DNAH7: variants seen among roughly 807,000 people sequenced by gnomAD.
The protein encoded by DNAH7 is axonemal beta dynein heavy chain 7.
A neutral mutation model predicts 444.6 loss-of-function variants in DNAH7; 397 were observed. The ratio of observed to expected loss-of-function variants is 0.89; its 90% confidence interval spans 0.82 to 0.97. DNAH7 has a LOEUF of 0.97. DNAH7 is among the 50% of genes least tolerant of loss of function. The pLI, the probability that DNAH7 is intolerant of heterozygous loss-of-function variation, is 0.00. For missense variants in DNAH7, 4,902 were observed against 4,800.8 expected, an observed-to-expected ratio of 1.02 and a Z score of -0.62; for synonymous variants, 1,636 against 1,624.4, an observed-to-expected ratio of 1.01 and a Z score of -0.17.
chr2:195,952,398 A>C (rs1265931818), intron 19 of DNAH7, among the ~76,000 whole-genome samples: 1 of 151,584 alleles, frequency 6.6e-6, no homozygotes, highest in Non-Finnish European at 1.5e-5. Context: ...TCTGACGACT[A>C]TGTGTCTTGG....
Position 195,794,377 on chromosome 2 carries a change from C to G in DNAH7, c.10677G>C (p.Pro3559=), listed in dbSNP as rs1325228196. The G allele has an allele frequency of 9.9e-6, 16 of 1,614,004 alleles. No homozygotes were observed. In the Admixed American group the frequency reaches 2.2e-4, roughly 22 times the overall value. The stretch of plus-strand genomic sequence containing the variant: ...TGCCAAAGAACTCCGGATCAGAGAT[C>G]GGGTCCATGAGGTATGATCGAATGA... ...ANIIRSYLMD[P]ISDPEFFGSC... Residue 3559 remains proline (P), a synonymous_variant, in exon 57 of 65, where the codon CCG becomes CCC. Transcript: ENST00000312428.
intron 1 of DNAH7, among the ~76,000 whole-genome samples, chr2:196,061,785 T>A (rs895268487): frequency 1.3e-5 from 2 of 152,176 alleles, no homozygotes; most frequent in African/African-American, 4.8e-5. Flanking sequence ...CCTTATTATA[T>A]CATGTGTCCA....
At position 195,886,203 on chromosome 2, in the gene DNAH7, C is replaced by A; in HGVS notation, c.5476G>T (p.Asp1826Tyr). The A allele has an allele frequency of 6.2e-7, 1 of 1,613,882 alleles. No individual in the cohort carries two copies. Among genetic ancestry groups the A allele is most frequent in the South Asian group, 1.1e-5 (1 of 91,022 alleles). ...LMNLIDCFMDDFADEVKLKER... is the reference protein window; with the variant it reads ...LMNLIDCFMDYFADEVKLKER... ...TTTAGTTTGACTTCATCAGCAAAAT[C>A]ATCCATAAAACAGTCTATTAGATTC... is the stretch of plus-strand genomic sequence containing the variant. The change falls in exon 34 of 65, where the codon GAT becomes TAT. Residue 1826 changes from aspartate (D) to tyrosine (Y), a missense_variant. Transcript: ENST00000312428.
At chr2:195,779,153 C>CT (rs536055808) in intron 58 of DNAH7, among the ~76,000 whole-genome samples, 4 of 152,116 alleles carry the variant, frequency 2.6e-5, no homozygotes, top group African/African-American at 7.2e-5. Flanking sequence ...AGACTGTACA[C>CT]TTTTTTTTCC....
At position 195,926,414 on chromosome 2, in the gene DNAH7, A is replaced by C; in HGVS notation, c.3612+12T>G. On this transcript the variant is annotated intron_variant, in intron 22 of 64. Transcript: ENST00000312428. The stretch of plus-strand genomic sequence containing the variant: ...AATGCTTAAAAAAACCCGAGGGTTA[A>C]TAAAACCTTACCTTTATCCCCATTG... 1 of 1,504,332 alleles carries C rather than the reference A, an allele frequency of 6.6e-7. No homozygotes were observed. Among genetic ancestry groups the C allele is most frequent in the Non-Finnish European group, 8.8e-7 (1 of 1,130,334 alleles). The allele number at this position is 1,504,332 out of a possible 1,614,324, so 93.2% of individuals were successfully genotyped here.
chr2:195,820,342 G>C (rs1222618796), intron 49 of DNAH7, among the ~76,000 whole-genome samples: 1 of 151,716 alleles, frequency 6.6e-6, no homozygotes, highest in Non-Finnish European at 1.5e-5. Context: ...AATACCTAAT[G>C]CATATGGGGC....
At chr2:195,894,531 G>T (rs1015629986) in intron 30 of DNAH7, 1 of 152,372 alleles carries the variant, frequency 6.6e-6, no homozygotes, top group African/African-American at 2.4e-5. Flanking sequence ...CAATCAAAAT[G>T]TGATGTGTAT....
chr2:195,924,107 G>A (rs545517760), intron 22 of DNAH7, among the ~76,000 whole-genome samples: 2 of 151,952 alleles, frequency 1.3e-5, no homozygotes, highest in Non-Finnish European at 2.9e-5. Context: ...ACTCTCCATG[G>A]CAATATGGAG....
At position 195,864,857 on chromosome 2, in the gene DNAH7, G is replaced by A. The variant is rs1267120372; in HGVS notation, c.6798C>T (p.Arg2266=). The change falls in exon 41 of 65, where the codon CGC becomes CGT. Residue 2266 remains arginine, a synonymous_variant. Coordinates refer to ENST00000312428, the MANE Select transcript of DNAH7 (RefSeq NM_018897.3). ...NDGMVEADDL[R]SLMFCDFHDP... ...CATGGAAATCACAAAACATTAAGCT[G>A]CGTAAGTCATCTGCTTCCACCATGC... The A allele has an allele frequency of 6.2e-7, 1 of 1,614,076 alleles. No individual in the cohort carries two copies. The highest frequency in any genetic ancestry group is 2.2e-5 in the East Asian group (1 of 44,878).
intron 48 of DNAH7, among the ~76,000 whole-genome samples, chr2:195,825,313 C>G (rs557410527): frequency 6.6e-6 from 1 of 151,766 alleles, no homozygotes; most frequent in Admixed American, 6.6e-5. Flanking sequence ...TATAGTATAA[C>G]TGTTGAATAA....
At position 195,988,064 on chromosome 2, in the gene DNAH7, G is replaced by A. The variant is rs747957739; in HGVS notation, c.1519C>T (p.Arg507Ter). Residue 507 changes from arginine (R) to a stop codon, truncating the protein, a stop_gained, in exon 13 of 65, where the codon CGA (arginine) becomes TGA (stop). Transcript: ENST00000312428. LOFTEE classifies it high-confidence loss of function. ...YDFLITRKAE[R>*]DVDNFLAENH... ...TCTGCGAGGAAGTTATCAACATCTC[G>A]CTCAGCTTTTCTGGTAATTAAAAAG... The A allele has an allele frequency of 3.0e-5, 49 of 1,613,194 alleles. No individual in the cohort carries two copies. The highest frequency in any genetic ancestry group is 1.6e-4 in the Middle Eastern group (1 of 6,074).
intron 47 of DNAH7, among the ~76,000 whole-genome samples, chr2:195,841,419 T>C (rs1430717745): frequency 6.6e-6 from 1 of 151,970 alleles, no homozygotes; most frequent in Non-Finnish European, 1.5e-5. Context: ...AGGATGTTTG[T>C]GACTTCAGCT....
At chr2:196,041,331 C>A (rs1290367224) in intron 5 of DNAH7, among the ~76,000 whole-genome samples, 1 of 151,996 alleles carries the variant, frequency 6.6e-6, no homozygotes, top group African/African-American at 2.4e-5. Flanking sequence ...GCTATAGTAA[C>A]CAAAACAGCA....
chr2:195,802,996 GT>G (rs1696548327), intron 54 of DNAH7, among the ~76,000 whole-genome samples: 1 of 152,166 alleles, frequency 6.6e-6, no homozygotes, highest in Non-Finnish European at 1.5e-5. Flanking sequence ...TATGATAAAT[GT>G]TTCAGATATT....
At chr2:195,987,360 T>C (rs1166888589) in intron 13 of DNAH7, among the ~76,000 whole-genome samples, 167 bp from the exon 14 acceptor site, 1 of 152,180 alleles carries the variant, frequency 6.6e-6, no homozygotes, top group Non-Finnish European at 1.5e-5. Flanking sequence ...ATTTGTATTA[T>C]ACAACTATCT....
chr2:196,020,252 A>G (rs1262700194), intron 8 of DNAH7, among the ~76,000 whole-genome samples: 1 of 152,134 alleles, frequency 6.6e-6, no homozygotes. Context: ...TTTGTTATAT[A>G]TAAGTTAAGC....
At chr2:196,043,957 G>C (rs557456621) in intron 5 of DNAH7, among the ~76,000 whole-genome samples, 12 of 131,428 alleles carry the variant, frequency 9.1e-5, no homozygotes, top group Non-Finnish European at 1.8e-4. Flanking sequence ...CTGCTAGTGG[G>C]AATGTAAACT....
intron 19 of DNAH7, among the ~76,000 whole-genome samples, chr2:195,956,037 A>C (rs971938960): frequency 2.0e-5 from 3 of 152,200 alleles, no homozygotes; most frequent in Non-Finnish European, 4.4e-5. Context: ...GTATTATTAC[A>C]TAAATGAGGT....
chr2:196,044,559 C>A (rs1696983700), intron 5 of DNAH7, among the ~76,000 whole-genome samples: 1 of 152,158 alleles, frequency 6.6e-6, no homozygotes, highest in Middle Eastern at 3.4e-3. Flanking sequence ...ACCCATGTAA[C>A]CAAACACCAC....
Sources: gnomAD v4.1 joint callset for allele counts (sites outside exome capture counted in the v4.1 genomes callset) on GRCh38, gnomAD v4.1.1 for gene constraint, MANE v1.5 for transcripts, NCBI Gene and HGNC (gene_info 2026-07-23, HGNC 2026-07-21) for gene names.